Variants in KDM4A observed in about 807,000 individuals in gnomAD.
KDM4A encodes lysine demethylase 4A.
KDM4A carries 23 observed loss-of-function variants against 127.1 expected under a neutral mutation model. The ratio of observed to expected loss-of-function variants is 0.18; its 90% CI spans 0.13 to 0.26. The LOEUF (loss-of-function observed/expected upper bound fraction) is 0.26. KDM4A is among the 10% of genes least tolerant of loss of function. The probability of loss-of-function intolerance (pLI) is 1.00; values close to 1 mark genes in which losing one functional copy is unlikely to be tolerated. For synonymous variants in KDM4A, 443 were observed against 466.5 expected, an observed-to-expected ratio of 0.95 and a Z score of 0.65; for missense variants, 890 against 1,329.1, an observed-to-expected ratio of 0.67 and a Z score of 5.14.
intron 4 of KDM4A, among the ~76,000 whole-genome samples, chr1:43,661,608 C>CAAAAAA (rs34131801): frequency 1.7e-4 from 7 of 40,854 alleles, no homozygotes; most frequent in East Asian, 9.7e-4. Flanking sequence ...GACTCTGTCT[C>CAAAAAA]AAAAAAAAAA....
intron 10 of KDM4A, among the ~76,000 whole-genome samples, chr1:43,669,563 G>A (rs1265040568): frequency 6.6e-6 from 1 of 152,094 alleles, no homozygotes; most frequent in East Asian, 1.9e-4. Flanking sequence ...AGGTAAGTAG[G>A]ACCTTCCCAG....
chr1:43,698,424 A>G (rs1452480643), intron 19 of KDM4A, among the ~76,000 whole-genome samples: 7 of 152,140 alleles, frequency 4.6e-5, no homozygotes, highest in African/African-American at 1.7e-4. Context: ...AGATGTATAG[A>G]ATCTGCTTTT....
intron 11 of KDM4A, among the ~76,000 whole-genome samples, chr1:43,678,664 C>T (rs1184526466): frequency 6.6e-6 from 1 of 151,442 alleles, no homozygotes; most frequent in Non-Finnish European, 1.5e-5. Flanking sequence ...CTCAGCTCAC[C>T]ACAGCCTCGA....
At chr1:43,656,329 GTTTTTTTTTTT>G (rs11438925) in intron 3 of KDM4A, among the ~76,000 whole-genome samples, 1 of 54,154 alleles carries the variant, frequency 1.8e-5, no homozygotes, top group Non-Finnish European at 3.3e-5. Context: ...TCTGCTGTTG[GTTTTTTTTTTT>G]TTTTTTTTTT....
In KDM4A at chr1:43,666,508, C is replaced by T. The variant is rs1660504847; in HGVS notation, c.730C>T (p.Leu244=). Residue 244 remains leucine, a synonymous_variant, in exon 7 of 22, where the codon CTG becomes TTG. Transcript: ENST00000372396. ...CEAFLRHKMT[L]ISPLMLKKYG... is the part of the protein sequence containing the mutation. Reference sequence around the variant, plus strand: ...GGCATTTCTCCGCCACAAGATGACCCTGATTTCCCCGTTAATGCTGAAGAA... The same window carrying T: ...GGCATTTCTCCGCCACAAGATGACCTTGATTTCCCCGTTAATGCTGAAGAA... 6.2e-7 allele frequency: 1 copy of T among 1,614,204 alleles called. No homozygotes were observed.
At chr1:43,700,733 A>ATTTT (rs1030950035) in intron 19 of KDM4A, among the ~76,000 whole-genome samples, 4 of 151,510 alleles carry the variant, frequency 2.6e-5, no homozygotes, top group Non-Finnish European at 5.9e-5. Context: ...GGTTCTTAAA[A>ATTTT]GTTAGTTGCA....
At chr1:43,684,460 G>A (rs1331446225) in intron 12 of KDM4A, among the ~76,000 whole-genome samples, 1 of 152,160 alleles carries the variant, frequency 6.6e-6, no homozygotes, top group Non-Finnish European at 1.5e-5. Context: ...CCGAGATGGT[G>A]CCACTGCACT....
intron 4 of KDM4A, 135 bp from the exon 5 acceptor site, chr1:43,662,759 G>C: frequency 1.4e-6 from 1 of 709,244 alleles, no homozygotes; most frequent in Non-Finnish European, 2.3e-6. Flanking sequence ...TGGTCTTCAC[G>C]TCCATAGTGT....
chr1:43,655,495 T>C, intron 2 of KDM4A, 96 bp from the exon 3 acceptor site: 4 of 1,058,524 alleles, frequency 3.8e-6, no homozygotes, highest in Non-Finnish European at 5.5e-6. Flanking sequence ...TCTAGTAAAA[T>C]TGACTGTTAG....
intron 4 of KDM4A, 150 bp downstream of exon 4, chr1:43,660,562 C>T: frequency 8.4e-7 from 1 of 1,195,296 alleles, no homozygotes; most frequent in South Asian, 1.6e-5. Context: ...CTGTGCTGGC[C>T]TAATTGTGGG....
At chr1:43,652,758 T>G (rs941718145) in intron 1 of KDM4A, among the ~76,000 whole-genome samples, 1 of 149,998 alleles carries the variant, frequency 6.7e-6, no homozygotes, top group Non-Finnish European at 1.5e-5. Context: ...CTTGGCTCAC[T>G]GCAACCTTTA....
chr1:43,704,479 G>T lies in KDM4A; in HGVS notation c.*109G>T, dbSNP rs1661497083. The stretch of plus-strand genomic sequence containing the variant: ...GTCTCTGAAAGTGAAGTTGTAAAAA[G>T]AAAAGGAATGAAATAACCGACCCAT... On this transcript the variant is annotated 3_prime_UTR_variant, in exon 22 of 22. Coordinates refer to ENST00000372396, the MANE Select transcript of KDM4A (RefSeq NM_014663.3). 8.6e-7 allele frequency: 1 copy of T among 1,161,990 alleles called. No homozygotes were observed. Among genetic ancestry groups the T allele is most frequent in the Non-Finnish European group, 1.2e-6 (1 of 813,868 alleles). The allele number at this position is 1,161,990 out of a possible 1,614,324, so 72.0% of individuals were successfully genotyped here.
intron 14 of KDM4A, among the ~76,000 whole-genome samples, 156 bp downstream of exon 14, chr1:43,691,205 C>T (rs1429466478): frequency 6.6e-6 from 1 of 152,182 alleles, no homozygotes; most frequent in African/African-American, 2.4e-5. Flanking sequence ...CTCCAGGGGT[C>T]CATACTGGCA....
At chr1:43,687,287 A>G (rs1225722021) in intron 12 of KDM4A, among the ~76,000 whole-genome samples, 2 of 152,244 alleles carry the variant, frequency 1.3e-5, no homozygotes, top group African/African-American at 4.8e-5. Flanking sequence ...TACTATCTGC[A>G]CTGAGCTGGA....
intron 3 of KDM4A, among the ~76,000 whole-genome samples, chr1:43,657,573 T>C (rs1405138611): frequency 6.6e-6 from 1 of 152,046 alleles, no homozygotes; most frequent in Non-Finnish European, 1.5e-5. Flanking sequence ...TAAAGGCATG[T>C]TGAAGAAATG....
At chr1:43,692,143 A>C in intron 15 of KDM4A, 113 bp from the exon 16 acceptor site, 1 of 939,302 alleles carries the variant, frequency 1.1e-6, no homozygotes, top group Non-Finnish European at 1.7e-6. Context: ...CCCACATGCT[A>C]TTATGCTTCT....
At chr1:43,680,766 C>G (rs572121782) in intron 11 of KDM4A, among the ~76,000 whole-genome samples, 2 of 152,262 alleles carry the variant, frequency 1.3e-5, no homozygotes, top group East Asian at 3.8e-4. Context: ...CTGCTTCCTT[C>G]TTCTGTTGTA....
chr1:43,701,812 G>C (rs971552139), intron 19 of KDM4A, among the ~76,000 whole-genome samples: 1 of 152,134 alleles, frequency 6.6e-6, no homozygotes, highest in Non-Finnish European at 1.5e-5. Flanking sequence ...AATAAAACTG[G>C]TATTCCATGA....
At chr1:43,674,692 T>A (rs1052509825) in intron 11 of KDM4A, among the ~76,000 whole-genome samples, 2 of 150,672 alleles carry the variant, frequency 1.3e-5, no homozygotes, top group Admixed American at 1.3e-4. Flanking sequence ...AATTTTTGTA[T>A]TTTTTTTAGT....
Sources: allele counts gnomAD v4.1 joint callset (sites outside exome capture counted in the v4.1 genomes callset), GRCh38; gene constraint gnomAD v4.1.1; transcripts MANE v1.5; gene names NCBI Gene and HGNC (gene_info 2026-07-23, HGNC 2026-07-21).